Variants in ABCB1 observed in about 807,000 individuals in gnomAD.
ABCB1 encodes the protein ATP binding cassette subfamily B member 1, also known as ATP-dependent translocase ABCB1.
A neutral mutation model predicts 142.0 loss-of-function variants in ABCB1; 69 were observed. The observed-to-expected ratio is 0.49, with a 90% CI of 0.40 to 0.59. ABCB1 has a LOEUF of 0.59. Ranked by LOEUF, ABCB1 falls within the 20% of genes least tolerant of loss-of-function variation. The probability of loss-of-function intolerance (pLI) is 0.00; values close to 1 mark genes in which losing one functional copy is unlikely to be tolerated. For synonymous variants in ABCB1, 532 were observed against 539.2 expected, an observed-to-expected ratio of 0.99 and a Z score of 0.18; for missense variants, 1,326 against 1,554.7, an observed-to-expected ratio of 0.85 and a Z score of 2.47.
At chr7:87,619,429 C>G (rs112070806) in intron 1 of ABCB1, among the ~76,000 whole-genome samples, 4 of 151,656 alleles carry the variant, frequency 2.6e-5, no homozygotes, top group African/African-American at 9.7e-5. Context: ...TTCCCAGATA[C>G]TCAGGAGGCT....
intron 3 of ABCB1, among the ~76,000 whole-genome samples, chr7:87,588,428 G>C (rs1818853872): frequency 6.6e-6 from 1 of 152,156 alleles, no homozygotes; most frequent in Admixed American, 6.5e-5. Flanking sequence ...GTGAGAACAT[G>C]TGGTGTTTGG....
intron 18 of ABCB1, 144 bp from the exon 19 acceptor site, chr7:87,539,489 C>G: frequency 1.2e-6 from 1 of 865,180 alleles, no homozygotes; most frequent in East Asian, 2.6e-5. Flanking sequence ...TGACTGTGTG[C>G]CATGGCACAA....
At chr7:87,686,320 T>G (rs558010329) in intron 1 of ABCB1, among the ~76,000 whole-genome samples, 14 of 152,284 alleles carry the variant, frequency 9.2e-5, no homozygotes, top group African/African-American at 3.1e-4. Context: ...AATAATTGTG[T>G]GTACTAATGT....
Position 87,679,241 on chromosome 7 carries a change from C to T in ABCB1, c.-331+33920G>A, listed in dbSNP as rs551639052. On this transcript the variant is annotated intron_variant, in intron 1 of 28. Coordinates refer to the ABCB1 transcript ENST00000265724. ...CCAAGAAGCTGGGACTACAGGTGCCCGCCACCACGCCCGGGTAATTTTTTT... is the reference window on the plus strand; with the variant it reads ...CCAAGAAGCTGGGACTACAGGTGCCTGCCACCACGCCCGGGTAATTTTTTT... 4.4e-4 allele frequency among the ~76,000 whole-genome samples: 66 copies of T among 149,050 alleles called. 5 individuals are homozygous for T. Among genetic ancestry groups the T allele is most frequent in the South Asian group, 1.3e-3 (6 of 4,726 alleles).
At chr7:87,647,270 A>G (rs1313511121) in intron 1 of ABCB1, among the ~76,000 whole-genome samples, 1 of 152,006 alleles carries the variant, frequency 6.6e-6, no homozygotes, top group Non-Finnish European at 1.5e-5. Flanking sequence ...CTAAGACATT[A>G]TTTGCCTTTT....
At chr7:87,641,974 A>G (rs75635405) in intron 1 of ABCB1, among the ~76,000 whole-genome samples, 1,935 of 152,208 alleles carry the variant, frequency 0.013, 43 homozygotes, top group African/African-American at 0.044. Context: ...TCATAAATCA[A>G]TCACAAAACA....
In ABCB1 at chr7:87,615,405, T is replaced by C. The variant is rs189775088; in HGVS notation, c.-330-14327A>G. Among the ~76,000 whole-genome samples the C allele has an allele frequency of 3.0e-3, 455 of 152,288 alleles. 2 individuals are homozygous for C. The highest frequency in any genetic ancestry group is 0.011 in the African/African-American group (439 of 41,570). On this transcript the variant is annotated intron_variant, in intron 1 of 28. Transcript: ENST00000265724. ...GAGATGATGTCAGAGAAGTGACATATGGTTAGATCCTGCAGGATGTGTAGG... is the reference window on the plus strand; with the variant it reads ...GAGATGATGTCAGAGAAGTGACATACGGTTAGATCCTGCAGGATGTGTAGG...
chr7:87,530,838 C>CAAGCAAGAAAGA (rs1816011922), intron 21 of ABCB1, among the ~76,000 whole-genome samples: 2 of 71,238 alleles, frequency 2.8e-5, no homozygotes, highest in Non-Finnish European at 5.2e-5. Flanking sequence ...AGCAAGAAAG[C>CAAGCAAGAAAGA]AAGAAAGAAA....
rs548353762 is a variant in ABCB1, at chr7:87,521,524, G to T, written c.2686-648C>A. On this transcript the variant is annotated intron_variant, in intron 21 of 27. Transcript: ENST00000622132. ...GAGGAAATTCTTCATTGGAGGTTGA[G>T]CTCTACATTGGTTGACCAATGAGAG... 873 of 756,274 alleles carry T rather than the reference G, an allele frequency of 1.2e-3. 1 individual carries two copies. Among genetic ancestry groups the T allele is most frequent in the Non-Finnish European group, 1.8e-3 (724 of 408,590 alleles). 46.8% of individuals were successfully genotyped at this position (756,274 alleles called of 1,614,324 possible).
chr7:87,691,508 C>T (rs926908314), intron 1 of ABCB1, among the ~76,000 whole-genome samples: 2 of 152,078 alleles, frequency 1.3e-5, no homozygotes, highest in African/African-American at 4.8e-5. Context: ...AATACTGTTT[C>T]ACTTTCTTTT....
At position 87,659,429 on chromosome 7, in the gene ABCB1, G is replaced by T. The variant is rs115247416; in HGVS notation, c.-331+53732C>A. Among the ~76,000 whole-genome samples the T allele has an allele frequency of 5.1e-3, 775 of 151,962 alleles. 4 individuals carry two copies. Among genetic ancestry groups the T allele is most frequent in the African/African-American group, 0.017 (710 of 41,452 alleles). On this transcript the variant is annotated intron_variant, in intron 1 of 28. Transcript: ENST00000265724. ...AGTATTATATTATACCAGTCTACTGGTATCATTTTCCAGTGTGAAGTTTAA... is the reference window on the plus strand; with the variant it reads ...AGTATTATATTATACCAGTCTACTGTTATCATTTTCCAGTGTGAAGTTTAA...
At chr7:87,587,704 T>C (rs908479177) in intron 3 of ABCB1, among the ~76,000 whole-genome samples, 7 of 151,900 alleles carry the variant, frequency 4.6e-5, no homozygotes, top group Non-Finnish European at 8.8e-5. Context: ...ACCCCGTCTC[T>C]ATTAAAATAC....
intron 1 of ABCB1, among the ~76,000 whole-genome samples, chr7:87,661,534 G>T (rs1824715483): frequency 6.6e-6 from 1 of 151,576 alleles, no homozygotes; most frequent in South Asian, 2.1e-4. Context: ...GTCTTTCTGT[G>T]TCTGTCTTTT....
intron 1 of ABCB1, among the ~76,000 whole-genome samples, chr7:87,686,342 A>G (rs1186198509): frequency 1.3e-5 from 2 of 152,214 alleles, no homozygotes. Flanking sequence ...ATCAAGTCAT[A>G]ATAGAAGTAT....
In ABCB1 at chr7:87,516,578, T is replaced by C; in HGVS notation, c.3015A>G (p.Ala1005=). ...APDYAKAKIS[A]AHIIMIIEKT... Reference sequence around the variant, plus strand: ...TTTCAATGATCATGATGATGTGGGCTGCTGATATTTTGGCTTTGGCATAGT... The same window carrying C: ...TTTCAATGATCATGATGATGTGGGCCGCTGATATTTTGGCTTTGGCATAGT... Residue 1005 remains alanine, a synonymous_variant, in exon 24 of 28, where the codon GCA becomes GCG. Coordinates refer to ENST00000622132, the MANE Select transcript of ABCB1 (RefSeq NM_001348946.2). 2 of 1,614,238 alleles carry C rather than the reference T, an allele frequency of 1.2e-6. No individual in the cohort carries two copies. Among genetic ancestry groups the C allele is most frequent in the South Asian group, 2.2e-5 (2 of 91,084 alleles).
intron 4 of ABCB1, among the ~76,000 whole-genome samples, chr7:87,582,610 T>A (rs2129910052): frequency 6.6e-6 from 1 of 152,310 alleles, no homozygotes; most frequent in East Asian, 1.9e-4. Context: ...AAGGGCCAGA[T>A]AGTAAATATC....
chr7:87,566,176 G>A lies in ABCB1; in HGVS notation c.596C>T (p.Thr199Ile), dbSNP rs1403432068. 1.2e-6 allele frequency: 2 copies of A among 1,614,142 alleles called. No individual in the cohort carries two copies. Among genetic ancestry groups the A allele is most frequent in the East Asian group, 2.2e-5 (1 of 44,884 alleles). ...TCCTACTATAAACCCAGTGAAAAAT[G>A]TTGCCATTGACTGAAAGAACATTCC... ...KIGMFFQSMATFFTGFIVGFT... is the reference protein window; with the variant it reads ...KIGMFFQSMAIFFTGFIVGFT... The change falls in exon 7 of 28, where the codon ACA becomes ATA. Residue 199 changes from threonine to isoleucine, a missense_variant. By Grantham distance (89) the Thr-to-Ile change is moderately conservative (BLOSUM62 -1). Coordinates refer to ENST00000622132, the MANE Select transcript of ABCB1 (RefSeq NM_001348946.2).
At chr7:87,530,796 A>AGCAAGAAC (rs879802123) in intron 21 of ABCB1, among the ~76,000 whole-genome samples, 1,319 of 96,378 alleles carry the variant, frequency 0.014, 5 homozygotes, top group Non-Finnish European at 0.017. Context: ...AAAGAAAGAA[A>AGCAAGAAC]GCAAGAAAGC....
intron 1 of ABCB1, among the ~76,000 whole-genome samples, chr7:87,613,430 G>A (rs529781579): frequency 6.6e-6 from 1 of 151,832 alleles, no homozygotes; most frequent in South Asian, 2.1e-4. Context: ...TCATTGCAGT[G>A]CTATTCACAA....
Sources: allele counts gnomAD v4.1 joint callset (sites outside exome capture counted in the v4.1 genomes callset), GRCh38; gene constraint gnomAD v4.1.1; transcripts MANE v1.5; gene names NCBI Gene and HGNC (gene_info 2026-07-23, HGNC 2026-07-21).